SHLD2: variants seen among roughly 807,000 people sequenced by gnomAD.
SHLD2 encodes shieldin complex subunit 2, also known as RINN1-REV7-interacting novel NHEJ regulator 2.
A neutral mutation model predicts 73.2 loss-of-function variants in SHLD2; 30 were observed. That is an observed-to-expected ratio of 0.41 (90% CI 0.31 to 0.56). SHLD2 has a LOEUF of 0.56. SHLD2 is among the 20% of genes least tolerant of loss of function. The pLI is 0.28. For synonymous variants in SHLD2, 285 were observed against 370.1 expected (o/e 0.77, Z 2.64); for missense variants, 745 against 1,055.9 (o/e 0.71, Z 4.08).
At chr10:87,171,928 A>G (rs1244158090) in intron 6 of SHLD2, among the ~76,000 whole-genome samples, 1 of 152,248 alleles carries the variant, frequency 6.6e-6, no homozygotes, top group Non-Finnish European at 1.5e-5. Context: ...GGCTGAGAAC[A>G]TGAGTCTAGT....
chr10:87,149,286 C>G (rs1286847037), intron 2 of SHLD2, among the ~76,000 whole-genome samples: 1 of 151,354 alleles, frequency 6.6e-6, no homozygotes, highest in Non-Finnish European at 1.5e-5. Context: ...ATTTGGGGCC[C>G]CTAGTGGTAA....
chr10:87,187,553 C>T (rs1848694445), intron 9 of SHLD2, among the ~76,000 whole-genome samples: 2 of 152,196 alleles, frequency 1.3e-5, no homozygotes, highest in Non-Finnish European at 2.9e-5. Flanking sequence ...GCAAGATCTT[C>T]AACCGTGATG....
chr10:87,150,142 G>A (rs909532873), intron 2 of SHLD2, among the ~76,000 whole-genome samples: 6 of 145,062 alleles, frequency 4.1e-5, no homozygotes, highest in African/African-American at 1.3e-4. Flanking sequence ...TTGGCTCACT[G>A]CAACCTCCTC....
rs1462278565 is a variant in SHLD2 at position 87,180,102 on chromosome 10, C to G, written c.2198C>G (p.Ser733Ter). 1 of 1,613,874 alleles carries G rather than the reference C, an allele frequency of 6.2e-7. No homozygotes were observed. The highest frequency in any genetic ancestry group is 1.7e-5 in the Admixed American group (1 of 60,014). The change falls in exon 8 of 10, where the codon TCA (serine) becomes TGA (stop). Residue 733 changes from serine (S) to a stop codon, truncating the protein, a stop_gained. Coordinates refer to ENST00000298786, the MANE Select transcript of SHLD2 (RefSeq NM_001330112.2). LOFTEE classifies it high-confidence loss of function. ...SGVVLIKAQI[S>*]ELAFPITASQ... is the part of the protein sequence containing the mutation. The stretch of plus-strand genomic sequence containing the variant: ...GTGGTTCTGATTAAAGCCCAGATTT[C>G]AGAGCTGGCATTTCCTATTACAGCA...
chr10:87,124,157 T>C (rs1245444368), intron 2 of SHLD2, among the ~76,000 whole-genome samples: 2 of 152,196 alleles, frequency 1.3e-5, no homozygotes, highest in Non-Finnish European at 1.5e-5. Context: ...GGAGTAGATA[T>C]AACTAATTGT....
At chr10:87,100,618 C>T (rs1456560654) in intron 2 of SHLD2, among the ~76,000 whole-genome samples, 2 of 152,022 alleles carry the variant, frequency 1.3e-5, no homozygotes, top group Non-Finnish European at 1.5e-5. Flanking sequence ...GCTGGGATTA[C>T]AGGTGCGTGC....
chr10:87,158,344 A>C (rs1409972257), intron 4 of SHLD2, among the ~76,000 whole-genome samples, 189 bp downstream of exon 4: 1 of 152,210 alleles, frequency 6.6e-6, no homozygotes, highest in Non-Finnish European at 1.5e-5. Context: ...AATCACATTT[A>C]TTTTAAGAAG....
chr10:87,120,778 G>A (rs1038088678), intron 2 of SHLD2, among the ~76,000 whole-genome samples: 5 of 152,126 alleles, frequency 3.3e-5, no homozygotes, highest in African/African-American at 1.2e-4. Flanking sequence ...TTTAGGCCGG[G>A]TGCGGTGGCT....
chr10:87,094,619 G>A, upstream of SHLD2: 1 of 1,610,092 alleles, frequency 6.2e-7, no homozygotes, highest in Non-Finnish European at 8.5e-7. This position sits in a 1 kb window ranked among gnomAD's most constrained non-coding sequence, Gnocchi z 6.6. Flanking sequence ...CTGTAGTGGC[G>A]CCGGGCGGCC....
At chr10:87,142,922 C>CA (rs1348325206) in intron 2 of SHLD2, among the ~76,000 whole-genome samples, 1 of 83,200 alleles carries the variant, frequency 1.2e-5, no homozygotes, top group Non-Finnish European at 2.2e-5. Flanking sequence ...TTTATTTTTA[C>CA]TTTTTTTTTT....
rs1312701062 is a variant in SHLD2, at chr10:87,143,153, C to G, written c.-5-8197C>G. Reference sequence around the variant, plus strand: ...CTTACCATGTTGCCTAGGCTGGTCTCGAACTACTGAGCTGAAGCAACCTGT... The same window carrying G: ...CTTACCATGTTGCCTAGGCTGGTCTGGAACTACTGAGCTGAAGCAACCTGT... On this transcript the variant is annotated intron_variant, in intron 2 of 9. Coordinates refer to ENST00000298786, the MANE Select transcript of SHLD2 (RefSeq NM_001330112.2). 2.0e-5 allele frequency among the ~76,000 whole-genome samples: 3 copies of G among 151,664 alleles called. No individual in the cohort carries two copies. The East Asian group carries it at 5.8e-4, about 29-fold the overall frequency.
At chr10:87,127,259 T>G (rs1266982031) in intron 2 of SHLD2, among the ~76,000 whole-genome samples, 3 of 152,172 alleles carry the variant, frequency 2.0e-5, no homozygotes, top group African/African-American at 7.2e-5. Flanking sequence ...GGCTACCTAT[T>G]GTGAAATGGA....
At chr10:87,118,739 T>G (rs1169591873) in intron 2 of SHLD2, among the ~76,000 whole-genome samples, 1 of 148,596 alleles carries the variant, frequency 6.7e-6, no homozygotes, top group African/African-American at 2.5e-5. Flanking sequence ...TTGTAAAATT[T>G]TAATGTTTAG....
intron 6 of SHLD2, among the ~76,000 whole-genome samples, chr10:87,172,535 T>A (rs1052016853): frequency 3.9e-5 from 6 of 152,110 alleles, no homozygotes; most frequent in Non-Finnish European, 2.9e-5. Flanking sequence ...ATGTAATGTA[T>A]TATTTAGTTT....
intron 8 of SHLD2, among the ~76,000 whole-genome samples, chr10:87,183,901 G>T (rs572878161): frequency 6.6e-6 from 1 of 152,164 alleles, no homozygotes; most frequent in East Asian, 1.9e-4. Flanking sequence ...TTGAGCTCTC[G>T]TCTGCGTCCT....
chr10:87,154,832 A>G (rs1014533363), intron 3 of SHLD2, among the ~76,000 whole-genome samples: 3 of 152,230 alleles, frequency 2.0e-5, no homozygotes, highest in African/African-American at 7.2e-5. Context: ...TATTTAGAAG[A>G]AGAAAACTTC....
chr10:87,111,552 A>C (rs1444229404), intron 2 of SHLD2, among the ~76,000 whole-genome samples: 1 of 151,452 alleles, frequency 6.6e-6, no homozygotes, highest in African/African-American at 2.4e-5. Context: ...GAGGCACGAG[A>C]ATCTCTTGAG....
intron 2 of SHLD2, among the ~76,000 whole-genome samples, chr10:87,132,431 T>G (rs1313224484): frequency 1.3e-5 from 2 of 152,164 alleles, no homozygotes; most frequent in African/African-American, 4.8e-5. Context: ...ATAACTACAG[T>G]CAAAAAGCTA....
chr10:87,169,287 TG>T (rs1221730278), intron 4 of SHLD2, among the ~76,000 whole-genome samples: 2 of 152,234 alleles, frequency 1.3e-5, no homozygotes, highest in African/African-American at 4.8e-5. Context: ...CCAGATTTGC[TG>T]GAAATACTGT....
Sources: allele counts gnomAD v4.1 joint callset (sites outside exome capture counted in the v4.1 genomes callset), GRCh38; gene constraint gnomAD v4.1.1; non-coding constraint Gnocchi (gnomAD v3.1); transcripts MANE v1.5; gene names NCBI Gene and HGNC (gene_info 2026-07-23, HGNC 2026-07-21).